CDH10: variants seen among roughly 807,000 people sequenced by gnomAD.
The protein encoded by CDH10 is cadherin-10.
Under a neutral mutation model 73.1 loss-of-function variants are expected in CDH10, and 30 were observed. That is an observed-to-expected ratio of 0.41 (90% confidence interval 0.31 to 0.56). The LOEUF (loss-of-function observed/expected upper bound fraction) is 0.56, where lower values mean the gene tolerates loss of function less well. Ranked by LOEUF, CDH10 falls within the 20% of genes least tolerant of loss-of-function variation. The probability of loss-of-function intolerance (pLI) is 0.27; values close to 1 mark genes in which losing one functional copy is unlikely to be tolerated. For synonymous variants in CDH10, 345 were observed against 348.2 expected (o/e 0.99, Z 0.10); for missense variants, 815 against 973.7 (o/e 0.84, Z 2.17).
intron 5 of CDH10, 68 bp downstream of exon 5, chr5:24,535,044 C>T (rs2111875035): frequency 1.3e-5 from 17 of 1,343,066 alleles, no homozygotes; most frequent in East Asian, 2.6e-5. Flanking sequence ...TTTTCTTTTT[C>T]TTTCTTTGTC....
chr5:24,582,077 C>T (rs1745823325), intron 2 of CDH10, among the ~76,000 whole-genome samples: 1 of 152,078 alleles, frequency 6.6e-6, no homozygotes, highest in Non-Finnish European at 1.5e-5. Context: ...TAGGTTCATA[C>T]TATAGAACAG....
At chr5:24,593,176 T>C (rs1215405334) in intron 2 of CDH10, 84 bp downstream of exon 2, 1 of 739,350 alleles carries the variant, frequency 1.4e-6, no homozygotes, top group Admixed American at 2.5e-5. Flanking sequence ...TTTATAAAAA[T>C]GATGGTTTGA....
intron 1 of CDH10, among the ~76,000 whole-genome samples, chr5:24,639,072 C>T (rs1747958421): frequency 6.6e-6 from 1 of 151,512 alleles, no homozygotes; most frequent in African/African-American, 2.4e-5. Context: ...TATGGAAACA[C>T]AAAACCCTTA....
intron 1 of CDH10, among the ~76,000 whole-genome samples, chr5:24,628,213 T>A (rs1253545829): frequency 6.6e-6 from 1 of 152,180 alleles, no homozygotes; most frequent in Non-Finnish European, 1.5e-5. Flanking sequence ...AGTGTGAACA[T>A]CAGTAGTTTT....
At chr5:24,491,131 G>T (rs925711417) in intron 11 of CDH10, among the ~76,000 whole-genome samples, 4 of 152,064 alleles carry the variant, frequency 2.6e-5, no homozygotes, top group Non-Finnish European at 4.4e-5. Flanking sequence ...CCACTGATGC[G>T]TCTCCTTTCA....
chr5:24,632,502 G>A (rs1747736268), intron 1 of CDH10, among the ~76,000 whole-genome samples: 1 of 152,012 alleles, frequency 6.6e-6, no homozygotes, highest in Non-Finnish European at 1.5e-5. Flanking sequence ...AAGCACTTTT[G>A]TTGACAGAAG....
intron 2 of CDH10, among the ~76,000 whole-genome samples, chr5:24,558,037 C>A (rs1296540355): frequency 6.6e-6 from 1 of 151,472 alleles, no homozygotes; most frequent in African/African-American, 2.4e-5. Flanking sequence ...TATTAGAATT[C>A]CAAGTGATAT....
intron 11 of CDH10, among the ~76,000 whole-genome samples, chr5:24,488,645 T>A (rs1453020374): frequency 1.3e-5 from 2 of 152,182 alleles, no homozygotes; most frequent in East Asian, 3.9e-4. Context: ...TACTGACTTC[T>A]GTTAAATAGC....
intron 2 of CDH10, among the ~76,000 whole-genome samples, chr5:24,567,395 C>T (rs1239019543): frequency 6.6e-6 from 1 of 150,624 alleles, no homozygotes; most frequent in Non-Finnish European, 1.5e-5. Flanking sequence ...ACCCAAAATG[C>T]CCATTAACAG....
chr5:24,601,003 AAAG>A (rs1036238545), intron 1 of CDH10, among the ~76,000 whole-genome samples: 1 of 152,118 alleles, frequency 6.6e-6, no homozygotes, highest in Non-Finnish European at 1.5e-5. Flanking sequence ...TAAAAAAATA[AAAG>A]AAGAAAGAAA....
intron 1 of CDH10, among the ~76,000 whole-genome samples, chr5:24,615,362 G>C (rs1212700654): frequency 1.3e-5 from 2 of 152,238 alleles, no homozygotes; most frequent in African/African-American, 4.8e-5. Context: ...AGACATTCTT[G>C]ATCAGTTTAT....
Position 24,535,386 on chromosome 5 carries a change from C to T in CDH10, c.647-107G>A, listed in dbSNP as rs113846098. 9.5e-4 allele frequency: 936 copies of T among 980,212 alleles called. 10 individuals carry two copies. The African/African-American group carries it at 0.013, about 14-fold the overall frequency. 60.7% of individuals were successfully genotyped at this position (980,212 alleles called of 1,614,324 possible). A position where few individuals can be genotyped will look rare whatever the true frequency, so the allele number is the denominator to read the frequency against. Reference sequence around the variant, plus strand: ...AAGCTAGTGATTTTTTTGAAAGATACGTTTTGATACTCGTTTTTATTGTCT... The same window carrying T: ...AAGCTAGTGATTTTTTTGAAAGATATGTTTTGATACTCGTTTTTATTGTCT... On this transcript the variant is annotated intron_variant, in intron 4 of 11. Transcript: ENST00000264463.
At chr5:24,581,380 A>G (rs1411241601) in intron 2 of CDH10, among the ~76,000 whole-genome samples, 2 of 152,226 alleles carry the variant, frequency 1.3e-5, no homozygotes, top group Non-Finnish European at 2.9e-5. Context: ...TCCGTGAGGA[A>G]GCATTGATCA....
chr5:24,578,141 C>G (rs1745668253), intron 2 of CDH10, among the ~76,000 whole-genome samples: 1 of 152,126 alleles, frequency 6.6e-6, no homozygotes, highest in Non-Finnish European at 1.5e-5. Context: ...GCAGCTAGAT[C>G]TTTCATAAAA....
At chr5:24,575,220 G>C (rs895844558) in intron 2 of CDH10, among the ~76,000 whole-genome samples, 1 of 150,260 alleles carries the variant, frequency 6.7e-6, no homozygotes, top group African/African-American at 2.4e-5. Flanking sequence ...AAATTACCCA[G>C]GCATGGTGGC....
chr5:24,622,866 T>C (rs771160140), intron 1 of CDH10, among the ~76,000 whole-genome samples: 1 of 152,176 alleles, frequency 6.6e-6, no homozygotes. Context: ...TATCATTCCG[T>C]TTTGTAAATT....
chr5:24,622,463 A>G (rs1417724013), intron 1 of CDH10, among the ~76,000 whole-genome samples: 1 of 152,158 alleles, frequency 6.6e-6, no homozygotes, highest in Admixed American at 6.5e-5. Flanking sequence ...CAGGCTGCAG[A>G]ATTTGGAATG....
intron 2 of CDH10, among the ~76,000 whole-genome samples, chr5:24,555,725 C>T (rs578141538): frequency 1.3e-5 from 2 of 152,204 alleles, no homozygotes; most frequent in South Asian, 2.1e-4. Context: ...TGGGAGTGAG[C>T]TATTTTATTA....
chr5:24,508,744 C>T (rs1005956934), intron 7 of CDH10, among the ~76,000 whole-genome samples: 1 of 151,178 alleles, frequency 6.6e-6, no homozygotes, highest in African/African-American at 2.5e-5. Flanking sequence ...GTTTCGAACC[C>T]CTGAGCTTAA....
Sources: allele counts gnomAD v4.1 joint callset (sites outside exome capture counted in the v4.1 genomes callset), GRCh38; gene constraint gnomAD v4.1.1; transcripts MANE v1.5; gene names NCBI Gene and HGNC (gene_info 2026-07-23, HGNC 2026-07-21).